TSNARE1: variants seen among roughly 807,000 people sequenced by gnomAD.
TSNARE1 encodes the protein t-SNARE domain containing 1.
A neutral mutation model predicts 62.0 loss-of-function variants in TSNARE1; 49 were observed. The ratio of observed to expected loss-of-function variants is 0.79; its 90% confidence interval spans 0.63 to 1.00. The LOEUF is 1.00. Among genes scored for constraint, TSNARE1 ranks in the 50% least tolerant of loss-of-function variants. The pLI, the probability that TSNARE1 is intolerant of heterozygous loss-of-function variation, is 0.00. For missense variants in TSNARE1, 755 were observed against 700.1 expected, an observed-to-expected ratio of 1.08 and a Z score of -0.88; for synonymous variants, 328 against 294.4, an observed-to-expected ratio of 1.11 and a Z score of -1.17.
intron 2 of TSNARE1, among the ~76,000 whole-genome samples, chr8:142,350,815 C>A (rs1586964376): frequency 6.6e-6 from 1 of 152,146 alleles, no homozygotes; most frequent in Non-Finnish European, 1.5e-5. Flanking sequence ...GTTTCTTCAA[C>A]AAATAAACTT....
At chr8:142,251,863 C>T (rs1403466387) in intron 12 of TSNARE1, among the ~76,000 whole-genome samples, 2 of 141,200 alleles carry the variant, frequency 1.4e-5, no homozygotes, top group Non-Finnish European at 3.1e-5. Context: ...ATGTACCCGC[C>T]GCCCGCATTC....
intron 4 of TSNARE1, among the ~76,000 whole-genome samples, chr8:142,335,980 T>C (rs901775089): frequency 6.6e-6 from 1 of 152,076 alleles, no homozygotes; most frequent in African/African-American, 2.4e-5. Context: ...GCTTCTCCGA[T>C]GAGAGTAAAA....
chr8:142,272,019 C>T (rs1161136466), intron 12 of TSNARE1, among the ~76,000 whole-genome samples: 4 of 152,064 alleles, frequency 2.6e-5, no homozygotes, highest in Non-Finnish European at 1.5e-5. Context: ...CGCCTGCCCT[C>T]TGGTCTACCC....
chr8:142,359,569 C>T (rs938320725), intron 1 of TSNARE1, among the ~76,000 whole-genome samples: 1 of 152,178 alleles, frequency 6.6e-6, no homozygotes, highest in Non-Finnish European at 1.5e-5. Context: ...CACACAAGTC[C>T]ATGAGGAGGT....
chr8:142,272,749 G>C (rs150082079), intron 12 of TSNARE1: 2 of 969,926 alleles, frequency 2.1e-6, no homozygotes, highest in African/African-American at 3.8e-5. Flanking sequence ...GCAGGTAGGA[G>C]CAGGACATTC....
At chr8:142,360,746 A>T (rs1835093167) in intron 1 of TSNARE1, among the ~76,000 whole-genome samples, 1 of 152,106 alleles carries the variant, frequency 6.6e-6, no homozygotes. Context: ...CCACCCTGGC[A>T]ACTCAGCCTG....
intron 7 of TSNARE1, among the ~76,000 whole-genome samples, 174 bp from the exon 8 acceptor site, chr8:142,315,266 CCCAGGGACA>C (rs1261310730): frequency 6.6e-6 from 1 of 152,208 alleles, no homozygotes; most frequent in Non-Finnish European, 1.5e-5. Flanking sequence ...ACCCAGGGTC[CCCAGGGACA>C]CCATCACCAC....
At chr8:142,290,002 C>A (rs1823487279) in intron 10 of TSNARE1, among the ~76,000 whole-genome samples, 1 of 152,172 alleles carries the variant, frequency 6.6e-6, no homozygotes, top group African/African-American at 2.4e-5. Flanking sequence ...TGGGTCCCCC[C>A]AGGCACTGTG....
rs570227643 is a variant in TSNARE1 at position 142,396,820 on chromosome 8, A to G, written c.-40+6284T>C. On this transcript the variant is annotated intron_variant, in intron 1 of 13. Coordinates refer to ENST00000524325, the MANE Select transcript of TSNARE1 (RefSeq NM_145003.5). ...AGGAAGAGCCTAGCAGGTGCCTGACAGATGCCCTGTGGTCAAAAGCAGGAG... is the reference window on the plus strand; with the variant it reads ...AGGAAGAGCCTAGCAGGTGCCTGACGGATGCCCTGTGGTCAAAAGCAGGAG... Among the ~76,000 whole-genome samples, 3 of 152,338 alleles carry G rather than the reference A, an allele frequency of 2.0e-5. No homozygotes were observed. In the South Asian group the frequency reaches 6.2e-4, roughly 32 times the overall value.
intron 12 of TSNARE1, among the ~76,000 whole-genome samples, chr8:142,268,455 T>C (rs1311888181): frequency 6.6e-6 from 1 of 152,198 alleles, no homozygotes; most frequent in Non-Finnish European, 1.5e-5. Flanking sequence ...CAGTGATTAC[T>C]GCCAAATCGC....
At chr8:142,264,480 T>C (rs1819038565) in intron 12 of TSNARE1, among the ~76,000 whole-genome samples, 1 of 152,234 alleles carries the variant, frequency 6.6e-6, no homozygotes, top group Admixed American at 6.5e-5. Context: ...GGTTTCCTGC[T>C]GACACTCCCC....
intron 1 of TSNARE1, among the ~76,000 whole-genome samples, chr8:142,365,506 G>A (rs1358870647): frequency 6.6e-6 from 1 of 151,990 alleles, no homozygotes; most frequent in Non-Finnish European, 1.5e-5. Flanking sequence ...CTGTGGTGTA[G>A]CTATACACAT....
intron 4 of TSNARE1, among the ~76,000 whole-genome samples, chr8:142,340,752 A>C (rs1832471810): frequency 6.6e-6 from 1 of 152,140 alleles, no homozygotes. Flanking sequence ...CTGGATCTCA[A>C]AGGACCTCTC....
chr8:142,332,314 G>A (rs1831171702), intron 4 of TSNARE1, among the ~76,000 whole-genome samples: 1 of 152,186 alleles, frequency 6.6e-6, no homozygotes, highest in South Asian at 2.1e-4. Flanking sequence ...ATGAAAGCCA[G>A]CAGGAAAAGG....
intron 12 of TSNARE1, among the ~76,000 whole-genome samples, chr8:142,237,614 G>A (rs1291683153): frequency 6.6e-6 from 1 of 152,226 alleles, no homozygotes; most frequent in African/African-American, 2.4e-5. Context: ...ATGACTGCAC[G>A]TTTGGTCCGT....
At chr8:142,366,840 CT>C (rs1353087587) in intron 1 of TSNARE1, among the ~76,000 whole-genome samples, 1 of 152,184 alleles carries the variant, frequency 6.6e-6, no homozygotes, top group Non-Finnish European at 1.5e-5. Context: ...AAAATTCTCT[CT>C]CCTTGTAAAT....
chr8:142,236,730 A>G (rs949894163), intron 12 of TSNARE1, among the ~76,000 whole-genome samples: 3 of 152,030 alleles, frequency 2.0e-5, no homozygotes, highest in African/African-American at 7.3e-5. Flanking sequence ...CAGAGCTGAC[A>G]ACCACACCTG....
intron 4 of TSNARE1, among the ~76,000 whole-genome samples, chr8:142,340,952 G>A (rs906132141): frequency 1.3e-5 from 2 of 152,248 alleles, no homozygotes; most frequent in African/African-American, 2.4e-5. Context: ...GCTTCTGTTG[G>A]CTTTTTAAGT....
intron 13 of TSNARE1, 87 bp from the exon 14 acceptor site, chr8:142,212,400 C>T (rs2129782595): frequency 6.6e-6 from 1 of 152,514 alleles, no homozygotes. Context: ...GTGGGAAGCA[C>T]CTGGGCCTGG....
Sources: allele counts gnomAD v4.1 joint callset (sites outside exome capture counted in the v4.1 genomes callset), GRCh38; gene constraint gnomAD v4.1.1; transcripts MANE v1.5; gene names NCBI Gene and HGNC (gene_info 2026-07-23, HGNC 2026-07-21).